Variants in BANP observed in about 807,000 individuals in gnomAD.
The protein encoded by BANP is protein BANP.
In BANP, 11 loss-of-function variants were observed where a neutral mutation model predicts 68.1. That is an observed-to-expected ratio of 0.16 (90% CI 0.10 to 0.27). BANP has a LOEUF of 0.27. BANP is among the 10% of genes least tolerant of loss of function. BANP has a pLI of 1.00. For missense variants in BANP, 504 were observed against 722.7 expected, an observed-to-expected ratio of 0.70 and a Z score of 3.47; for synonymous variants, 329 against 303.2, an observed-to-expected ratio of 1.09 and a Z score of -0.88.
In BANP at chr16:88,057,736, G is replaced by A. The variant is rs1362857187; in HGVS notation, c.1312-7531G>A. On this transcript the variant is annotated intron_variant, in intron 11 of 13. Transcript: ENST00000682872. The surrounding 1 kb of genome is among the most constrained non-coding windows in gnomAD (Gnocchi z 4.6). The stretch of plus-strand genomic sequence containing the variant: ...ACTTCTGACAAGTAAGAGAGATGGC[G>A]GGGCCATCTGGGTGGGGCGGGGGGG... Among the ~76,000 whole-genome samples the A allele has an allele frequency of 1.5e-5, 2 of 134,598 alleles. No individual in the cohort carries two copies. Among genetic ancestry groups the A allele is most frequent in the Middle Eastern group, 3.6e-3 (1 of 278 alleles). The allele number at this position is 134,598 out of a possible 152,430, so 88.3% of individuals were successfully genotyped here.
chr16:88,075,236 C>A (rs2091328520), intron 13 of BANP, among the ~76,000 whole-genome samples: 1 of 152,162 alleles, frequency 6.6e-6, no homozygotes, highest in African/African-American at 2.4e-5. Context: ...ATCCCAGCTG[C>A]TCGGGAGGCT....
Position 88,071,857 on chromosome 16 carries a change from C to T in BANP, c.1378-212C>T, listed in dbSNP as rs373830804. The T allele has an allele frequency of 7.8e-5, 56 of 717,480 alleles. No homozygotes were observed. Among genetic ancestry groups the T allele is most frequent in the African/African-American group, 5.1e-4 (29 of 57,402 alleles). 44.4% of individuals were successfully genotyped at this position (717,480 alleles called of 1,614,324 possible). A position where few individuals can be genotyped will look rare whatever the true frequency, so the allele number is the denominator to read the frequency against. On this transcript the variant is annotated intron_variant, in intron 12 of 13. Coordinates refer to ENST00000682872, the MANE Select transcript of BANP (RefSeq NM_001386991.1). This position sits in a 1 kb window ranked among gnomAD's most constrained non-coding sequence, Gnocchi z 6.5. ...CGGAGTTGCAGATCCAGCAGAGACT[C>T]GATGGCACTCTCTCACTGGATCTGA...
At chr16:87,959,497 G>A (rs758924411) in intron 1 of BANP, among the ~76,000 whole-genome samples, 24 of 152,228 alleles carry the variant, frequency 1.6e-4, no homozygotes, top group Non-Finnish European at 3.1e-4. Flanking sequence ...GAGGTGTGAG[G>A]CTGCTTGCGA....
chr16:87,982,979 C>T (rs1446778996), intron 3 of BANP, among the ~76,000 whole-genome samples: 1 of 151,774 alleles, frequency 6.6e-6, no homozygotes. Context: ...GCTCCCCTGT[C>T]AATGTGGGCC....
chr16:88,075,025 G>A (rs771836703), intron 13 of BANP, among the ~76,000 whole-genome samples: 5 of 152,034 alleles, frequency 3.3e-5, no homozygotes, highest in Admixed American at 1.3e-4. Flanking sequence ...GCAACGTAGC[G>A]AGACCCCCAT....
intron 1 of BANP, among the ~76,000 whole-genome samples, chr16:87,955,619 C>T (rs949985065): frequency 1.3e-5 from 2 of 152,168 alleles, no homozygotes; most frequent in Non-Finnish European, 2.9e-5. Flanking sequence ...GCCGCCCTGT[C>T]TCCTTAATGT....
At chr16:88,033,873 C>G (rs1377726539) in intron 9 of BANP, among the ~76,000 whole-genome samples, 3 of 152,102 alleles carry the variant, frequency 2.0e-5, no homozygotes, top group Non-Finnish European at 4.4e-5. Context: ...CTCCTGGATT[C>G]TGTGGCATGA....
intron 1 of BANP, among the ~76,000 whole-genome samples, chr16:87,970,600 C>G (rs1402746762): frequency 6.6e-6 from 1 of 152,138 alleles, no homozygotes; most frequent in Admixed American, 6.5e-5. Context: ...ATATTATTAA[C>G]TCATGAATTT....
At chr16:88,062,458 C>T (rs758135775) in intron 11 of BANP, among the ~76,000 whole-genome samples, 16 of 152,182 alleles carry the variant, frequency 1.1e-4, no homozygotes, top group Non-Finnish European at 1.5e-4. Context: ...TACCTTCTGC[C>T]GCTTTCTTTT....
chr16:88,034,474 TTTTTTTG>T (rs2078875715), intron 9 of BANP, among the ~76,000 whole-genome samples: 9 of 152,110 alleles, frequency 5.9e-5, no homozygotes, highest in African/African-American at 1.9e-4. Context: ...ATTCTTTGAT[TTTTTTTG>T]AATCACATTT....
intron 1 of BANP, among the ~76,000 whole-genome samples, chr16:87,969,127 C>T (rs1211355785): frequency 6.6e-6 from 1 of 152,166 alleles, no homozygotes; most frequent in African/African-American, 2.4e-5. Context: ...AGCCGCTTTT[C>T]GGGGGCTCTT....
intron 6 of BANP, among the ~76,000 whole-genome samples, chr16:88,017,938 C>A (rs550177265): frequency 2.0e-5 from 3 of 152,168 alleles, no homozygotes; most frequent in South Asian, 4.2e-4. Flanking sequence ...ATTGTGTGCA[C>A]GGGGGCGACG....
chr16:88,056,798 T>C (rs1277650248), intron 11 of BANP, among the ~76,000 whole-genome samples: 1 of 152,200 alleles, frequency 6.6e-6, no homozygotes, highest in African/African-American at 2.4e-5. Context: ...TCATACCCAG[T>C]GTAGTATACT....
rs138065774 is a variant in BANP at position 88,013,348 on chromosome 16, G to A, written c.656-5080G>A. 1.7e-3 allele frequency among the ~76,000 whole-genome samples: 263 copies of A among 152,334 alleles called. 1 individual carries two copies. The highest frequency in any genetic ancestry group is 6.0e-3 in the African/African-American group (250 of 41,578). ...GATTCAGGAGCCTGCCTGACAGGAC[G>A]GGCCCTCCCTCAGTGCAGTGTGACG... is the stretch of plus-strand genomic sequence containing the variant. On this transcript the variant is annotated intron_variant, in intron 6 of 13. Coordinates refer to ENST00000682872, the MANE Select transcript of BANP (RefSeq NM_001386991.1).
At position 88,053,897 on chromosome 16, in the gene BANP, TCAC is replaced by T. The variant is rs1179738268; in HGVS notation, c.1312-11356_1312-11354del. ...ATCACCATCACCAACACAGTCCCCT[TCAC>T]CACCACCACCACCTCTACCACTGTC... On this transcript the variant is annotated intron_variant, in intron 11 of 13. Coordinates refer to ENST00000682872, the MANE Select transcript of BANP (RefSeq NM_001386991.1). Among the ~76,000 whole-genome samples the T allele has an allele frequency of 1.4e-4, 6 of 41,896 alleles. 1 individual carries two copies. Among genetic ancestry groups the T allele is most frequent in the Non-Finnish European group, 2.3e-4 (3 of 12,818 alleles). 27.5% of individuals were successfully genotyped at this position (41,896 alleles called of 152,430 possible).
intron 4 of BANP, among the ~76,000 whole-genome samples, chr16:87,993,065 T>G (rs2066296614): frequency 6.6e-6 from 1 of 152,226 alleles, no homozygotes; most frequent in African/African-American, 2.4e-5. Flanking sequence ...GTGCCTCTGT[T>G]GGAATTTGTC....
chr16:88,018,765 C>G lies in BANP; in HGVS notation c.895+98C>G, dbSNP rs2075171867. Reference sequence around the variant, plus strand: ...GACGCTGGCATCAGTAGCACCGGCACGGGGCTGCGTTTCTCCAGGCGGTTT... The same window carrying G: ...GACGCTGGCATCAGTAGCACCGGCAGGGGGCTGCGTTTCTCCAGGCGGTTT... On this transcript the variant is annotated intron_variant, in intron 7 of 13. Coordinates refer to ENST00000682872, the MANE Select transcript of BANP (RefSeq NM_001386991.1). This position sits in a 1 kb window ranked among gnomAD's most constrained non-coding sequence, Gnocchi z 7.7. The G allele has an allele frequency of 1.4e-6, 2 of 1,422,270 alleles. No individual in the cohort carries two copies. The highest frequency in any genetic ancestry group is 1.9e-6 in the Non-Finnish European group (2 of 1,062,422). 88.1% of individuals were successfully genotyped at this position (1,422,270 alleles called of 1,614,324 possible).
chr16:87,962,531 G>T (rs2059375613), intron 1 of BANP, among the ~76,000 whole-genome samples: 1 of 152,178 alleles, frequency 6.6e-6, no homozygotes, highest in Non-Finnish European at 1.5e-5. Flanking sequence ...TACTGCCTTA[G>T]AGCCTAGACG....
chr16:88,047,987 C>G (rs1325545595), intron 11 of BANP, among the ~76,000 whole-genome samples: 5 of 152,238 alleles, frequency 3.3e-5, no homozygotes, highest in Admixed American at 6.5e-5. Flanking sequence ...GGGGCTGTCC[C>G]CTGGGGAGGG....
Sources: gnomAD v4.1 joint callset for allele counts (sites outside exome capture counted in the v4.1 genomes callset) on GRCh38, gnomAD v4.1.1 for gene constraint, Gnocchi (gnomAD v3.1) non-coding constraint, MANE v1.5 for transcripts, NCBI Gene and HGNC (gene_info 2026-07-23, HGNC 2026-07-21) for gene names.